The following USP25 variants were observed in gnomAD, a reference collection of about 807,000 sequenced individuals.
USP25 encodes the protein ubiquitin carboxyl-terminal hydrolase 25.
A neutral mutation model predicts 158.5 loss-of-function variants in USP25; 85 were observed. The ratio of observed to expected loss-of-function variants is 0.54; its 90% CI spans 0.45 to 0.64. The LOEUF (loss-of-function observed/expected upper bound fraction) is 0.64. Ranked by LOEUF, USP25 falls within the 30% of genes least tolerant of loss-of-function variation. The pLI is 0.00. For missense variants in USP25, 1,242 were observed against 1,327.3 expected, an observed-to-expected ratio of 0.94 and a Z score of 1.00; for synonymous variants, 464 against 460.4, an observed-to-expected ratio of 1.01 and a Z score of -0.10.
intron 4 of USP25, among the ~76,000 whole-genome samples, chr21:15,784,016 G>A (rs2123550871): frequency 6.6e-6 from 1 of 152,166 alleles, no homozygotes; most frequent in East Asian, 1.9e-4. Context: ...TTCCAGACAA[G>A]CAAAGGTGAT....
chr21:15,840,599 A>G (rs2038285594), intron 17 of USP25, among the ~76,000 whole-genome samples: 1 of 152,144 alleles, frequency 6.6e-6, no homozygotes, highest in Non-Finnish European at 1.5e-5. Context: ...ATTGTTCTGT[A>G]TGACATTTAG....
At chr21:15,809,801 C>G (rs1039056739) in intron 8 of USP25, among the ~76,000 whole-genome samples, 12 of 152,222 alleles carry the variant, frequency 7.9e-5, no homozygotes, top group Admixed American at 4.6e-4. Flanking sequence ...TATATACATA[C>G]AGTGGAATAT....
chr21:15,811,952 CT>C (rs1483124492), intron 9 of USP25, among the ~76,000 whole-genome samples: 1 of 152,030 alleles, frequency 6.6e-6, no homozygotes, highest in Non-Finnish European at 1.5e-5. Flanking sequence ...TCTTCACGAT[CT>C]TAAGTAGTGG....
chr21:15,730,978 T>G (rs1459122686), intron 1 of USP25, among the ~76,000 whole-genome samples: 5 of 38,786 alleles, frequency 1.3e-4, no homozygotes, highest in African/African-American at 4.0e-4. Flanking sequence ...TCTTTTCTGT[T>G]TTTTTTTTTT....
At chr21:15,752,014 A>G (rs1404132664) in intron 1 of USP25, among the ~76,000 whole-genome samples, 1 of 152,218 alleles carries the variant, frequency 6.6e-6, no homozygotes, top group Non-Finnish European at 1.5e-5. Context: ...AGCTCACTGC[A>G]ACCTCCGCCT....
rs189847313 is a variant in USP25 at position 15,825,612 on chromosome 21, G to C, written c.1304+551G>C. ...TTGATTTGGATCATTTCTAAAAGAC[G>C]TCAGAATCTGGACTGAGAAATGTTC... On this transcript the variant is annotated intron_variant, in intron 12 of 25. Transcript: ENST00000400183. Among the ~76,000 whole-genome samples the C allele has an allele frequency of 3.3e-5, 5 of 152,200 alleles. No individual in the cohort carries two copies. The South Asian group carries it at 1.0e-3, about 32-fold the overall frequency.
intron 1 of USP25, among the ~76,000 whole-genome samples, chr21:15,735,354 C>T (rs1285267632): frequency 1.3e-5 from 2 of 152,046 alleles, no homozygotes; most frequent in Non-Finnish European, 2.9e-5. Context: ...GGTCATTATT[C>T]CCTAACAATA....
intron 1 of USP25, among the ~76,000 whole-genome samples, chr21:15,759,085 T>C (rs2123376591): frequency 6.6e-6 from 1 of 152,340 alleles, no homozygotes; most frequent in East Asian, 1.9e-4. Context: ...ACTTTATATA[T>C]GAAATCAGAT....
At position 15,833,357 on chromosome 21, in the gene USP25, A is replaced by G. The variant is rs906651390; in HGVS notation, c.2003A>G (p.Asn668Ser). ...KAQFLIQEEF[N>S]KETGQPLVGI... ...GAAATATGATTTGCAGAGGAGTTTA[A>G]TAAAGAAACTGGGCAGCCCCTTGTT... is the stretch of plus-strand genomic sequence containing the variant. Residue 668 changes from asparagine (N) to serine (S), a missense_variant, in exon 17 of 26, where the codon AAT (asparagine) becomes AGT (serine). By Grantham distance (46) the Asn-to-Ser change is conservative. Transcript: ENST00000400183. 1.2e-6 allele frequency: 2 copies of G among 1,612,078 alleles called. No individual in the cohort carries two copies. Among genetic ancestry groups the G allele is most frequent in the Non-Finnish European group, 1.7e-6 (2 of 1,179,366 alleles).
chr21:15,772,673 T>TA (rs1404124527), intron 3 of USP25, among the ~76,000 whole-genome samples: 1 of 152,244 alleles, frequency 6.6e-6, no homozygotes, highest in Non-Finnish European at 1.5e-5. Flanking sequence ...CGCTAGTTTT[T>TA]ATTATAAATT....
At position 15,762,812 on chromosome 21, in the gene USP25, C is replaced by A; in HGVS notation, c.46-79C>A. On this transcript the variant is annotated intron_variant, in intron 1 of 25. Transcript: ENST00000400183. The stretch of plus-strand genomic sequence containing the variant: ...TCTGTTTTTTGTTTGTTTTGGAAAA[C>A]CAAAGGTGATTTGTTTTCTTTTCCT... 1.4e-5 allele frequency: 19 copies of A among 1,346,022 alleles called. No homozygotes were observed. The South Asian group carries it at 2.7e-4, about 19-fold the overall frequency. The allele number at this position is 1,346,022 out of a possible 1,614,324, so 83.4% of individuals were successfully genotyped here.
At chr21:15,820,941 A>C (rs1303625727) in intron 10 of USP25, among the ~76,000 whole-genome samples, 1 of 152,002 alleles carries the variant, frequency 6.6e-6, no homozygotes, top group East Asian at 1.9e-4. Context: ...GAGACAACTG[A>C]ATAAGTTAAA....
intron 15 of USP25, among the ~76,000 whole-genome samples, chr21:15,831,027 A>G (rs978512781): frequency 6.6e-6 from 1 of 152,162 alleles, no homozygotes; most frequent in Non-Finnish European, 1.5e-5. Flanking sequence ...CATATAATCT[A>G]TTTTGTTAAC....
intron 22 of USP25, among the ~76,000 whole-genome samples, chr21:15,866,951 C>T (rs2039685525): frequency 6.6e-6 from 1 of 152,092 alleles, no homozygotes; most frequent in African/African-American, 2.4e-5. Flanking sequence ...ACCCTGTGGG[C>T]TGTATTTTTT....
chr21:15,857,598 T>C (rs1046940847), intron 20 of USP25, among the ~76,000 whole-genome samples: 3 of 152,132 alleles, frequency 2.0e-5, no homozygotes, highest in Admixed American at 6.5e-5. Flanking sequence ...CTGAGTTTCT[T>C]TTAGTTAAGT....
At chr21:15,750,727 C>T (rs949906911) in intron 1 of USP25, among the ~76,000 whole-genome samples, 4 of 151,990 alleles carry the variant, frequency 2.6e-5, no homozygotes, top group African/African-American at 9.7e-5. Flanking sequence ...CTACCTCAGC[C>T]TCCCCAGTAG....
chr21:15,833,654 G>A (rs1230185997), intron 17 of USP25, 106 bp downstream of exon 17: 1 of 1,032,176 alleles, frequency 9.7e-7, no homozygotes, highest in Admixed American at 2.8e-5. Context: ...GAGGAAATCA[G>A]TAGAAATCAT....
At chr21:15,823,064 A>G (rs2037313497) in intron 10 of USP25, among the ~76,000 whole-genome samples, 1 of 151,970 alleles carries the variant, frequency 6.6e-6, no homozygotes, top group African/African-American at 2.4e-5. Flanking sequence ...TGGATGTTCA[A>G]ATTTAAATTT....
rs891965687 is a variant in USP25, at chr21:15,875,623, A to G, written c.3009+1097A>G. Among the ~76,000 whole-genome samples the G allele has an allele frequency of 1.3e-5, 2 of 152,216 alleles. No homozygotes were observed. Among genetic ancestry groups the G allele is most frequent in the African/African-American group, 2.4e-5 (1 of 41,448 alleles). On this transcript the variant is annotated intron_variant, in intron 24 of 25. Transcript: ENST00000400183. The surrounding 1 kb of genome is among the most constrained non-coding windows in gnomAD (Gnocchi z 4.7). ...TGGGAAGAACCTTAAGAGACAAGGTAAACCTCGTCTGGATCTTGATGGATA... is the reference window on the plus strand; with the variant it reads ...TGGGAAGAACCTTAAGAGACAAGGTGAACCTCGTCTGGATCTTGATGGATA...
Sources: gnomAD v4.1 joint callset for allele counts (sites outside exome capture counted in the v4.1 genomes callset) on GRCh38, gnomAD v4.1.1 for gene constraint, Gnocchi (gnomAD v3.1) non-coding constraint, MANE v1.5 for transcripts, NCBI Gene and HGNC (gene_info 2026-07-23, HGNC 2026-07-21) for gene names.